EXOC4: variants seen among roughly 807,000 people sequenced by gnomAD.
EXOC4 encodes the protein exocyst complex component 4.
EXOC4 carries 71 observed loss-of-function variants against 107.2 expected under a neutral mutation model. The observed-to-expected ratio is 0.66, with a 90% confidence interval of 0.55 to 0.81. EXOC4 has a LOEUF of 0.81. Ranked by LOEUF, EXOC4 falls within the 30% of genes least tolerant of loss-of-function variation. The pLI is 0.00. For synonymous variants in EXOC4, 456 were observed against 441.2 expected (o/e 1.03, Z -0.42); for missense variants, 1,108 against 1,189.6 (o/e 0.93, Z 1.01).
intron 17 of EXOC4, among the ~76,000 whole-genome samples, chr7:134,049,368 C>T (rs1419826259): frequency 6.6e-6 from 1 of 152,168 alleles, no homozygotes; most frequent in Non-Finnish European, 1.5e-5. Context: ...GCTCTAGGCC[C>T]AGCTTGCCTT....
At chr7:133,741,467 G>A (rs1007712182) in intron 10 of EXOC4, among the ~76,000 whole-genome samples, 21 of 152,190 alleles carry the variant, frequency 1.4e-4, no homozygotes, top group Non-Finnish European at 1.2e-4. Context: ...CATAATTATT[G>A]TTCCTATCAC....
At chr7:133,977,802 C>G (rs1248802786) in intron 14 of EXOC4, among the ~76,000 whole-genome samples, 1 of 151,728 alleles carries the variant, frequency 6.6e-6, no homozygotes, top group Non-Finnish European at 1.5e-5. Flanking sequence ...TTTCTTCTAG[C>G]AGAATTTTAC....
chr7:133,952,901 G>GGATGCTTCCATT (rs1234489635), intron 14 of EXOC4, among the ~76,000 whole-genome samples: 57 of 152,178 alleles, frequency 3.7e-4, no homozygotes, highest in African/African-American at 1.2e-3. Flanking sequence ...ATCCATCAGT[G>GGATGCTTCCATT]GATGCTTAGG....
intron 5 of EXOC4, among the ~76,000 whole-genome samples, chr7:133,345,825 A>G (rs913249362): frequency 6.6e-6 from 1 of 152,182 alleles, no homozygotes; most frequent in Non-Finnish European, 1.5e-5. Context: ...GTTGGCAACA[A>G]CTTTTGGCTC....
chr7:133,535,249 A>G (rs1383560395), intron 9 of EXOC4, among the ~76,000 whole-genome samples: 3 of 152,164 alleles, frequency 2.0e-5, no homozygotes, highest in Non-Finnish European at 4.4e-5. Flanking sequence ...AGTTCTGAGC[A>G]GGTAAGTGAC....
intron 12 of EXOC4, among the ~76,000 whole-genome samples, chr7:133,898,232 TAA>T (rs959456340): frequency 2.0e-5 from 3 of 151,648 alleles, no homozygotes; most frequent in Non-Finnish European, 4.4e-5. Context: ...CTAAAAAAAT[TAA>T]ATGTCAACTT....
chr7:134,050,326 TC>T (rs918540822), intron 17 of EXOC4, among the ~76,000 whole-genome samples: 23 of 152,234 alleles, frequency 1.5e-4, no homozygotes, highest in African/African-American at 4.8e-4. Context: ...TGCTTAGTCT[TC>T]TTAACAATTC....
At chr7:133,876,078 C>A (rs1000943187) in intron 11 of EXOC4, among the ~76,000 whole-genome samples, 1 of 152,166 alleles carries the variant, frequency 6.6e-6, no homozygotes, top group African/African-American at 2.4e-5. Flanking sequence ...GTAGGCATAT[C>A]TGTTTGCTAT....
chr7:134,051,203 C>G (rs1245232464), intron 17 of EXOC4, among the ~76,000 whole-genome samples: 1 of 152,158 alleles, frequency 6.6e-6, no homozygotes, highest in Non-Finnish European at 1.5e-5. Flanking sequence ...GAAACCAGAT[C>G]TTGAGAAAGA....
rs141947479 is a variant in EXOC4 at position 133,664,243 on chromosome 7, A to T, written c.1514+34102A>T. ...TTACCATGCACATATTTTATCTGTT[A>T]TCTGGAAATAGAATATAAGTTCCAA... On this transcript the variant is annotated intron_variant, in intron 10 of 17. Coordinates refer to ENST00000253861, the MANE Select transcript of EXOC4 (RefSeq NM_021807.4). Among the ~76,000 whole-genome samples, 28 of 152,170 alleles carry T rather than the reference A, an allele frequency of 1.8e-4. No individual in the cohort carries two copies. In the East Asian group the frequency reaches 5.0e-3, roughly 27 times the overall value.
chr7:133,814,592 A>G (rs1316462053), intron 10 of EXOC4, among the ~76,000 whole-genome samples: 2 of 152,338 alleles, frequency 1.3e-5, no homozygotes, highest in East Asian at 3.9e-4. Context: ...TTTGAATAAT[A>G]GTGCCAACCT....
At chr7:133,267,051 C>T (rs1584762289) in intron 1 of EXOC4, among the ~76,000 whole-genome samples, 1 of 152,266 alleles carries the variant, frequency 6.6e-6, no homozygotes, top group East Asian at 1.9e-4. Flanking sequence ...GTGTTTAGCC[C>T]TGCATCTCTT....
At chr7:133,504,254 T>A (rs755324753) in intron 9 of EXOC4, among the ~76,000 whole-genome samples, 1 of 152,064 alleles carries the variant, frequency 6.6e-6, no homozygotes, top group Non-Finnish European at 1.5e-5. Context: ...TTATAAAAAT[T>A]GAGAAAATTA....
chr7:134,008,783 C>T (rs563757812), intron 17 of EXOC4, among the ~76,000 whole-genome samples: 1 of 132,414 alleles, frequency 7.6e-6, no homozygotes, highest in Admixed American at 7.9e-5. Context: ...CGAACACCAC[C>T]ATGCCTGGCT....
chr7:133,635,592 G>T (rs1396227265), intron 10 of EXOC4, among the ~76,000 whole-genome samples: 1 of 152,090 alleles, frequency 6.6e-6, no homozygotes, highest in East Asian at 1.9e-4. Context: ...TAGGAGCATT[G>T]CTAAATTGAA....
chr7:133,755,253 TTATA>T (rs1348564810), intron 10 of EXOC4, among the ~76,000 whole-genome samples: 1 of 100,000 alleles, frequency 1.0e-5, no homozygotes, highest in South Asian at 2.7e-4. Flanking sequence ...AATATATATA[TTATA>T]TATATATTAT....
intron 10 of EXOC4, among the ~76,000 whole-genome samples, chr7:133,635,573 G>T (rs1802688095): frequency 1.3e-5 from 2 of 152,102 alleles, no homozygotes; most frequent in African/African-American, 4.8e-5. Flanking sequence ...GACCAATAAG[G>T]TATATTGGTA....
At chr7:133,709,181 A>C (rs1794830778) in intron 10 of EXOC4, among the ~76,000 whole-genome samples, 1 of 152,210 alleles carries the variant, frequency 6.6e-6, no homozygotes, top group African/African-American at 2.4e-5. Flanking sequence ...AGTCTGTGTA[A>C]TTGCAAAGGA....
At chr7:134,096,092 G>T in the EXOC4 span, among the ~76,000 whole-genome samples, 1 of 152,184 alleles carries the variant, frequency 6.6e-6, no homozygotes, top group East Asian at 1.9e-4. Flanking sequence ...AATCTATAAG[G>T]AACTTAATTG....
Sources: allele counts gnomAD v4.1 joint callset (sites outside exome capture counted in the v4.1 genomes callset), GRCh38; gene constraint gnomAD v4.1.1; transcripts MANE v1.5; gene names NCBI Gene and HGNC (gene_info 2026-07-23, HGNC 2026-07-21).